Variants in FAM118B observed in about 807,000 individuals in gnomAD.
FAM118B encodes the protein protein FAM118B.
Under a neutral mutation model 38.5 loss-of-function variants are expected in FAM118B, and 24 were observed. The ratio of observed to expected loss-of-function variants is 0.62; its 90% CI spans 0.45 to 0.88. The LOEUF (loss-of-function observed/expected upper bound fraction) is 0.88. Ranked by LOEUF, FAM118B falls within the 40% of genes least tolerant of loss-of-function variation. FAM118B has a pLI of 0.00. For missense variants in FAM118B, 334 were observed against 420.0 expected (o/e 0.80, Z 1.79); for synonymous variants, 138 against 156.3 (o/e 0.88, Z 0.87).
rs769191107 is a variant in FAM118B, at chr11:126,256,875, G to A, written c.982+23G>A. 2 of 1,591,736 alleles carry A rather than the reference G, an allele frequency of 1.3e-6. No individual in the cohort carries two copies. The highest frequency in any genetic ancestry group is 1.8e-5 in the Admixed American group (1 of 56,964). On this transcript the variant is annotated intron_variant, in intron 7 of 8. Transcript: ENST00000533050. The surrounding 1 kb of genome is among the most constrained non-coding windows in gnomAD (Gnocchi z 6.6). ...CAGGTAAGATGCATTTTGAAGCTGAGGGGAATCAGAGAACAACAGCTCTTC... is the reference window on the plus strand; with the variant it reads ...CAGGTAAGATGCATTTTGAAGCTGAAGGGAATCAGAGAACAACAGCTCTTC...
chr11:126,243,628 G>C (rs1950384893), intron 4 of FAM118B, among the ~76,000 whole-genome samples: 2 of 152,126 alleles, frequency 1.3e-5, no homozygotes, highest in African/African-American at 4.8e-5. Flanking sequence ...ATCAGGCCAG[G>C]TGCGGTGGCT....
intron 2 of FAM118B, among the ~76,000 whole-genome samples, chr11:126,231,244 A>G (rs1051830004): frequency 3.9e-5 from 6 of 152,182 alleles, no homozygotes; most frequent in Non-Finnish European, 7.4e-5. Context: ...CAGGTAATTG[A>G]CTTTGTTTTC....
At position 126,253,642 on chromosome 11, in the gene FAM118B, A is replaced by T. The variant is rs1044507349; in HGVS notation, c.568-663A>T. ...ACTGGGCTCAGTGACTCAGCCAGGCATTTTTTCTGCTGATTTTTGCACCCT... is the reference window on the plus strand; with the variant it reads ...ACTGGGCTCAGTGACTCAGCCAGGCTTTTTTTCTGCTGATTTTTGCACCCT... On this transcript the variant is annotated intron_variant, in intron 5 of 8. Coordinates refer to ENST00000533050, the MANE Select transcript of FAM118B (RefSeq NM_024556.4). The surrounding 1 kb of genome is among the most constrained non-coding windows in gnomAD (Gnocchi z 5.1). 1.3e-5 allele frequency among the ~76,000 whole-genome samples: 2 copies of T among 152,080 alleles called. No individual in the cohort carries two copies. The highest frequency in any genetic ancestry group is 4.8e-5 in the African/African-American group (2 of 41,420).
intron 3 of FAM118B, among the ~76,000 whole-genome samples, chr11:126,239,059 G>T (rs1455159963): frequency 6.7e-6 from 1 of 149,312 alleles, no homozygotes; most frequent in East Asian, 2.0e-4. Context: ...TGCAACCTCA[G>T]CCTCCTGGGC....
intron 1 of FAM118B, among the ~76,000 whole-genome samples, chr11:126,212,119 T>C (rs1437567205): frequency 6.6e-6 from 1 of 152,234 alleles, no homozygotes; most frequent in Non-Finnish European, 1.5e-5. Context: ...GGGGACCCTC[T>C]TGATCGGATG....
intron 1 of FAM118B, among the ~76,000 whole-genome samples, chr11:126,227,842 C>T (rs1231627185): frequency 6.6e-6 from 1 of 152,120 alleles, no homozygotes; most frequent in Admixed American, 6.5e-5. Flanking sequence ...ACTCTATCAC[C>T]AGGCTGGAGT....
rs971070018 is a variant in FAM118B at position 126,262,486 on chromosome 11, G to C, written c.*353G>C. The C allele has an allele frequency of 2.5e-5, 8 of 319,360 alleles. No individual in the cohort carries two copies. Among genetic ancestry groups the C allele is most frequent in the Non-Finnish European group, 4.0e-5 (7 of 174,420 alleles). The allele number at this position is 319,360 out of a possible 1,614,324, so 19.8% of individuals were successfully genotyped here. On this transcript the variant is annotated 3_prime_UTR_variant, in exon 9 of 9. Coordinates refer to ENST00000533050, the MANE Select transcript of FAM118B (RefSeq NM_024556.4). Reference sequence around the variant, plus strand: ...GAAGGACTCGGGGTCTGGATGCCATGGAATCACTGTGGCTCTTGTTGCAGT... The same window carrying C: ...GAAGGACTCGGGGTCTGGATGCCATCGAATCACTGTGGCTCTTGTTGCAGT...
rs910304764 is a variant in FAM118B, at chr11:126,244,450, T to C, written c.339+3406T>C. ...CAGTGAACAATACTAAAATGAAATA[T>C]TAAAAATTCTTCCACTTGGCATCAA... On this transcript the variant is annotated intron_variant, in intron 4 of 8. Transcript: ENST00000533050. The surrounding 1 kb of genome is among the most constrained non-coding windows in gnomAD (Gnocchi z 4.5). Among the ~76,000 whole-genome samples, 1 of 152,204 alleles carries C rather than the reference T, an allele frequency of 6.6e-6. No individual in the cohort carries two copies. The highest frequency in any genetic ancestry group is 1.5e-5 in the Non-Finnish European group (1 of 68,042).
chr11:126,229,759 C>T (rs1950185426), intron 2 of FAM118B, among the ~76,000 whole-genome samples: 1 of 152,164 alleles, frequency 6.6e-6, no homozygotes, highest in African/African-American at 2.4e-5. Flanking sequence ...GCTCTTGAGC[C>T]TGGAATACCA....
Position 126,243,781 on chromosome 11 carries a change from G to A in FAM118B, c.339+2737G>A, listed in dbSNP as rs568621752. Among the ~76,000 whole-genome samples the A allele has an allele frequency of 5.3e-5, 8 of 151,974 alleles. No homozygotes were observed. The South Asian group carries it at 1.0e-3, about 20-fold the overall frequency. On this transcript the variant is annotated intron_variant, in intron 4 of 8. Coordinates refer to ENST00000533050, the MANE Select transcript of FAM118B (RefSeq NM_024556.4). The stretch of plus-strand genomic sequence containing the variant: ...TAGCTGGGCATGGTAGTGCATGCCT[G>A]TAATCCCAGCTACCCAGGAGGCTGA...
In FAM118B at chr11:126,258,207, G is replaced by T. The variant is rs559826896; in HGVS notation, c.982+1355G>T. On this transcript the variant is annotated intron_variant, in intron 7 of 8. Transcript: ENST00000533050. ...GGCCAGGAGTTCAAGATGAGTGTGA[G>T]CAACATAGTGAGAACCTGTCTCTGC... Among the ~76,000 whole-genome samples the T allele has an allele frequency of 9.4e-4, 143 of 152,230 alleles. 2 individuals carry two copies. The highest frequency in any genetic ancestry group is 3.1e-3 in the African/African-American group (129 of 41,554).
At position 126,255,529 on chromosome 11, in the gene FAM118B, G is replaced by A. The variant is rs546968632; in HGVS notation, c.697-1038G>A. 1.3e-5 allele frequency among the ~76,000 whole-genome samples: 2 copies of A among 152,186 alleles called. No individual in the cohort carries two copies. The highest frequency in any genetic ancestry group is 2.4e-5 in the African/African-American group (1 of 41,500). ...CATACTGATGTTCTAAGTATCAAAC[G>A]CCTTTCCTTGAGCAAATCCGATGAT... On this transcript the variant is annotated intron_variant, in intron 6 of 8. Coordinates refer to ENST00000533050, the MANE Select transcript of FAM118B (RefSeq NM_024556.4). This position sits in a 1 kb window ranked among gnomAD's most constrained non-coding sequence, Gnocchi z 4.6.
chr11:126,240,765 A>G (rs751784789), intron 3 of FAM118B, 27 bp from the exon 4 acceptor site: 17 of 1,580,686 alleles, frequency 1.1e-5, no homozygotes, highest in African/African-American at 4.1e-5. Context: ...GGATATTCCA[A>G]TCCTCTCATT....
Position 126,256,976 on chromosome 11 carries a change from AAGG to A in FAM118B, c.982+128_982+130del. 1 of 971,724 alleles carries A rather than the reference AAGG, an allele frequency of 1.0e-6. No individual in the cohort carries two copies. The highest frequency in any genetic ancestry group is 1.5e-6 in the Non-Finnish European group (1 of 651,462). The allele number at this position is 971,724 out of a possible 1,614,324, so 60.2% of individuals were successfully genotyped here. On this transcript the variant is annotated intron_variant, in intron 7 of 8. Coordinates refer to ENST00000533050, the MANE Select transcript of FAM118B (RefSeq NM_024556.4). This position sits in a 1 kb window ranked among gnomAD's most constrained non-coding sequence, Gnocchi z 6.6. ...GAATGTAATGACTGACCAAATTGTA[AAGG>A]AGGCCACAGTCTTCAGGTTAGACTA...
rs532740520 is a variant in FAM118B, at chr11:126,262,413, C to A, written c.*280C>A. On this transcript the variant is annotated 3_prime_UTR_variant, in exon 9 of 9. Transcript: ENST00000533050. ...CCCAGGCTAGACATGCTTGTGTCCA[C>A]ACAGCACACCAATGTGATACTTCCA... 51 of 486,818 alleles carry A rather than the reference C, an allele frequency of 1.0e-4. No individual in the cohort carries two copies. The highest frequency in any genetic ancestry group is 8.0e-4 in the African/African-American group (41 of 51,248). The allele number at this position is 486,818 out of a possible 1,614,324, so 30.2% of individuals were successfully genotyped here.
intron 1 of FAM118B, among the ~76,000 whole-genome samples, chr11:126,226,555 C>A (rs1015823871): frequency 6.6e-6 from 1 of 152,234 alleles, no homozygotes; most frequent in Non-Finnish European, 1.5e-5. Flanking sequence ...GGCCTTTTCT[C>A]TCCTTCCCCC....
At chr11:126,228,858 C>T (rs1439889553) in intron 1 of FAM118B, among the ~76,000 whole-genome samples, 1 of 152,226 alleles carries the variant, frequency 6.6e-6, no homozygotes, top group East Asian at 1.9e-4. Context: ...CCGCGCCTGG[C>T]CTCAAATTTT....
intron 4 of FAM118B, 170 bp downstream of exon 4, chr11:126,241,214 C>T: frequency 1.5e-6 from 1 of 652,104 alleles, no homozygotes; most frequent in Non-Finnish European, 2.5e-6. Flanking sequence ...TGTTTATGGA[C>T]CCTACTCAGG....
intron 2 of FAM118B, chr11:126,233,453 C>A (rs1214873880): frequency 1.2e-5 from 3 of 259,518 alleles, no homozygotes; most frequent in Non-Finnish European, 2.3e-5. Flanking sequence ...CCAGTGCACT[C>A]CAGGCTGGGC....
Sources: gnomAD v4.1 joint callset for allele counts (sites outside exome capture counted in the v4.1 genomes callset) on GRCh38, gnomAD v4.1.1 for gene constraint, Gnocchi (gnomAD v3.1) non-coding constraint, MANE v1.5 for transcripts, NCBI Gene and HGNC (gene_info 2026-07-23, HGNC 2026-07-21) for gene names.